Variants in AGBL1 observed in about 807,000 individuals in gnomAD.
The protein encoded by AGBL1 is cytosolic carboxypeptidase 4.
AGBL1 carries 130 observed loss-of-function variants against 118.9 expected under a neutral mutation model. That is an observed-to-expected ratio of 1.09 (90% CI 0.95 to 1.26). The LOEUF (loss-of-function observed/expected upper bound fraction) is 1.26, where lower values mean the gene tolerates loss of function less well. Among genes scored for constraint, AGBL1 ranks in the 50% most tolerant of loss-of-function variants. AGBL1 has a pLI of 0.00. For synonymous variants in AGBL1, 555 were observed against 478.9 expected (o/e 1.16, Z -2.08); for missense variants, 1,584 against 1,298.1 (o/e 1.22, Z -3.38).
At chr15:86,379,334 A>G (rs1474519268) in intron 17 of AGBL1, among the ~76,000 whole-genome samples, 2 of 152,184 alleles carry the variant, frequency 1.3e-5, no homozygotes, top group East Asian at 3.8e-4. Flanking sequence ...ATAAATTAAT[A>G]CGATAATATC....
chr15:86,909,961 C>T lies in AGBL1; in HGVS notation c.*2667C>T, dbSNP rs1415405972. ...ATCTATGTAACAAATGTATATTTAACCCCTAACTGTGGGTCATGCACTTTA... is the reference window on the plus strand; with the variant it reads ...ATCTATGTAACAAATGTATATTTAATCCCTAACTGTGGGTCATGCACTTTA... On this transcript the variant is annotated 3_prime_UTR_variant, in exon 23 of 23. Transcript: ENST00000614907. 2 of 152,182 alleles carry T rather than the reference C, an allele frequency of 1.3e-5. No homozygotes were observed. Among genetic ancestry groups the T allele is most frequent in the Admixed American group, 6.5e-5 (1 of 15,288 alleles). The allele number at this position is 152,182 out of a possible 1,614,324, so 9.4% of individuals were successfully genotyped here. A position where few individuals can be genotyped will look rare whatever the true frequency, so the allele number is the denominator to read the frequency against.
intron 22 of AGBL1, among the ~76,000 whole-genome samples, chr15:86,825,220 T>C (rs1018174014): frequency 1.3e-5 from 2 of 151,752 alleles, no homozygotes; most frequent in African/African-American, 2.4e-5. Flanking sequence ...AAAATGCACC[T>C]TGACCTACAA....
intron 21 of AGBL1, among the ~76,000 whole-genome samples, chr15:86,595,244 A>G (rs540720218): frequency 1.3e-5 from 2 of 152,286 alleles, no homozygotes; most frequent in South Asian, 2.1e-4. Context: ...TTCCAAATTT[A>G]TATCTCCAGC....
intron 22 of AGBL1, among the ~76,000 whole-genome samples, chr15:86,753,142 G>A (rs184478488): frequency 2.4e-4 from 37 of 152,144 alleles, no homozygotes; most frequent in Non-Finnish European, 1.2e-4. Context: ...TGTAGAGACT[G>A]TGTCTCTATG....
intron 23 of AGBL1, among the ~76,000 whole-genome samples, chr15:86,969,985 A>C (rs1365922712): frequency 1.3e-5 from 2 of 151,860 alleles, no homozygotes; most frequent in African/African-American, 4.8e-5. Context: ...CCTTATAACT[A>C]TAAGGAAGTT....
At chr15:86,792,100 T>G (rs1156912701) in intron 22 of AGBL1, among the ~76,000 whole-genome samples, 1 of 152,186 alleles carries the variant, frequency 6.6e-6, no homozygotes, top group Non-Finnish European at 1.5e-5. Flanking sequence ...AGTTTAACAT[T>G]GTATGATTCT....
At chr15:86,103,318 T>C (rs1012096970) in intron 1 of AGBL1, among the ~76,000 whole-genome samples, 1 of 152,248 alleles carries the variant, frequency 6.6e-6, no homozygotes, top group Non-Finnish European at 1.5e-5. Flanking sequence ...AATATCAATA[T>C]GTTGAATTCT....
rs73443486 is a variant in AGBL1 at position 86,167,096 on chromosome 15, A to G, written c.488+8070A>G. Reference sequence around the variant, plus strand: ...CAAAGAAATTTGTATTTTCCTGTAAATCACACCTTCCTCACAACACTGTAA... The same window carrying G: ...CAAAGAAATTTGTATTTTCCTGTAAGTCACACCTTCCTCACAACACTGTAA... On this transcript the variant is annotated intron_variant, in intron 5 of 22. Coordinates refer to ENST00000614907, the MANE Select transcript of AGBL1 (RefSeq NM_001386094.1). 7.3e-3 allele frequency among the ~76,000 whole-genome samples: 1,108 copies of G among 152,244 alleles called. 14 individuals carry two copies. Among genetic ancestry groups the G allele is most frequent in the African/African-American group, 0.026 (1,062 of 41,570 alleles).
chr15:86,363,055 A>G (rs747741430), intron 17 of AGBL1, among the ~76,000 whole-genome samples: 114 of 152,232 alleles, frequency 7.5e-4, no homozygotes, highest in Non-Finnish European at 1.4e-3. Flanking sequence ...CTACAGGGGA[A>G]TGGGGCTTCT....
At chr15:86,445,838 A>G (rs1487365883) in intron 18 of AGBL1, among the ~76,000 whole-genome samples, 1 of 152,208 alleles carries the variant, frequency 6.6e-6, no homozygotes, top group Non-Finnish European at 1.5e-5. Flanking sequence ...GTTGTATTAA[A>G]TCATTTCTTT....
chr15:86,855,764 C>T (rs2079471011), intron 22 of AGBL1, among the ~76,000 whole-genome samples: 1 of 152,136 alleles, frequency 6.6e-6, no homozygotes, highest in South Asian at 2.1e-4. Flanking sequence ...TCTGTGTTTC[C>T]CTCTGCTCAA....
intron 6 of AGBL1, among the ~76,000 whole-genome samples, chr15:86,245,424 A>G (rs1405415683): frequency 6.6e-6 from 1 of 152,200 alleles, no homozygotes; most frequent in Non-Finnish European, 1.5e-5. Flanking sequence ...GAACGGAGCT[A>G]CAAAATTTGG....
chr15:86,309,983 G>A (rs1402875496), intron 17 of AGBL1, among the ~76,000 whole-genome samples: 2 of 152,070 alleles, frequency 1.3e-5, no homozygotes, highest in African/African-American at 4.8e-5. Context: ...TCAATTTTTT[G>A]GGAGAGTTAG....
chr15:86,666,485 G>A (rs1002171499), intron 21 of AGBL1, among the ~76,000 whole-genome samples: 1 of 151,998 alleles, frequency 6.6e-6, no homozygotes, highest in Non-Finnish European at 1.5e-5. Flanking sequence ...AAGATAATGT[G>A]ATTATTCCTT....
At chr15:86,261,977 ATCTTCC>A (rs1171695455) in intron 9 of AGBL1, among the ~76,000 whole-genome samples, 3 of 151,436 alleles carry the variant, frequency 2.0e-5, no homozygotes, top group African/African-American at 7.3e-5. Flanking sequence ...ATCTCCTGCA[ATCTTCC>A]TCTTATTCTG....
At chr15:86,721,015 C>T (rs1317343284) in intron 22 of AGBL1, among the ~76,000 whole-genome samples, 2 of 152,012 alleles carry the variant, frequency 1.3e-5, no homozygotes. Flanking sequence ...TAATAGCTTA[C>T]CAATCAAAAA....
chr15:86,934,754 G>T (rs184724912), intron 23 of AGBL1, among the ~76,000 whole-genome samples: 52 of 152,294 alleles, frequency 3.4e-4, no homozygotes, highest in Admixed American at 6.5e-4. Context: ...TAATAGTGTA[G>T]TTATTTATTA....
At chr15:86,606,777 T>C (rs2084583274) in intron 21 of AGBL1, among the ~76,000 whole-genome samples, 1 of 152,220 alleles carries the variant, frequency 6.6e-6, no homozygotes, top group Non-Finnish European at 1.5e-5. Context: ...TTTGCATAAG[T>C]GTCGTACATT....
intron 18 of AGBL1, among the ~76,000 whole-genome samples, chr15:86,409,765 C>G (rs915005146): frequency 1.3e-5 from 2 of 152,122 alleles, no homozygotes; most frequent in African/African-American, 4.8e-5. Flanking sequence ...GGGGCTGAGG[C>G]TCCTCAGGAA....
Sources: gnomAD v4.1 joint callset for allele counts (sites outside exome capture counted in the v4.1 genomes callset) on GRCh38, gnomAD v4.1.1 for gene constraint, MANE v1.5 for transcripts, NCBI Gene and HGNC (gene_info 2026-07-23, HGNC 2026-07-21) for gene names.